CREB5: variants seen among roughly 807,000 people sequenced by gnomAD.
CREB5 encodes cyclic AMP-responsive element-binding protein 5.
A neutral mutation model predicts 57.1 loss-of-function variants in CREB5; 19 were observed. That is an observed-to-expected ratio of 0.33 (90% confidence interval 0.23 to 0.49). CREB5 has a LOEUF of 0.49. CREB5 is among the 20% of genes least tolerant of loss of function. The pLI is 0.99. For synonymous variants in CREB5, 238 were observed against 238.3 expected (o/e 1.00, Z 0.01); for missense variants, 579 against 671.6 (o/e 0.86, Z 1.52).
upstream of CREB5, among the ~76,000 whole-genome samples, chr7:28,408,204 T>C (rs1787630589): frequency 6.6e-6 from 1 of 152,186 alleles, no homozygotes; most frequent in South Asian, 2.1e-4. Flanking sequence ...TTAGCTCACC[T>C]GTAGAATGGG....
chr7:28,631,093 G>C (rs369722703), intron 5 of CREB5, among the ~76,000 whole-genome samples: 1 of 152,148 alleles, frequency 6.6e-6, no homozygotes, highest in Non-Finnish European at 1.5e-5. Flanking sequence ...ACTCAGAGAC[G>C]TACGGAAACT....
chr7:28,807,647 T>C (rs1171207899), intron 8 of CREB5, among the ~76,000 whole-genome samples: 2 of 152,206 alleles, frequency 1.3e-5, no homozygotes, highest in Non-Finnish European at 2.9e-5. Flanking sequence ...ATTTCAATCA[T>C]AGTGCTGCAA....
In CREB5 at chr7:28,809,293, G is replaced by A; in HGVS notation, c.1133G>A (p.Arg378Gln). The A allele has an allele frequency of 6.2e-7, 1 of 1,614,110 alleles. No homozygotes were observed. The highest frequency in any genetic ancestry group is 8.5e-7 in the Non-Finnish European group (1 of 1,180,022). ...GTAGACGAGGATCCGGACGAGAGGC[G>A]GCGGAAATTTCTGGAACGGAACCGG... Reference protein sequence around the residue: ...RVVDEDPDERRRKFLERNRAA... With the variant: ...RVVDEDPDERQRKFLERNRAA... Residue 378 changes from arginine (R) to glutamine (Q), a missense_variant, in exon 9 of 11, where the codon CGG becomes CAG. Physicochemically the swap from Arg to Gln is conservative, Grantham distance 43. Transcript: ENST00000357727.
chr7:28,660,381 G>GTTTTTTTTTTTTTTTTTTTTTT (rs10696255), intron 5 of CREB5, among the ~76,000 whole-genome samples: 1 of 119,260 alleles, frequency 8.4e-6, no homozygotes. Context: ...GCATTCAACA[G>GTTTTTTTTTTTTTTTTTTTTTT]TTTTTTTTTT....
At chr7:28,772,443 C>T (rs909599175) in intron 7 of CREB5, among the ~76,000 whole-genome samples, 23 of 152,144 alleles carry the variant, frequency 1.5e-4, no homozygotes, top group African/African-American at 4.6e-4. Flanking sequence ...CCGCTCGAGC[C>T]TCGCCACTGT....
chr7:28,460,044 C>T (rs1279612061), intron 1 of CREB5, among the ~76,000 whole-genome samples: 2 of 152,196 alleles, frequency 1.3e-5, no homozygotes, highest in Non-Finnish European at 2.9e-5. Context: ...TCACTACCTG[C>T]TGATTACAAC....
intron 5 of CREB5, among the ~76,000 whole-genome samples, chr7:28,643,409 G>C (rs1025877026): frequency 6.6e-6 from 1 of 152,144 alleles, no homozygotes; most frequent in African/African-American, 2.4e-5. Flanking sequence ...AAACTGGCTA[G>C]AAAAGAATGT....
At chr7:28,306,455 C>T (rs1025353731) in intron 1 of CREB5, among the ~76,000 whole-genome samples, 2 of 149,114 alleles carry the variant, frequency 1.3e-5, no homozygotes, top group African/African-American at 5.0e-5. Flanking sequence ...AGGGTAGACT[C>T]CCAAATCAAA....
chr7:28,359,220 CAAAT>C (rs1786410223), intron 1 of CREB5, among the ~76,000 whole-genome samples: 1 of 80,064 alleles, frequency 1.2e-5, no homozygotes, highest in African/African-American at 4.0e-5. Flanking sequence ...ACACACAAAA[CAAAT>C]AAAAAAAAAA....
intron 4 of CREB5, among the ~76,000 whole-genome samples, chr7:28,560,885 T>TGTGTGC (rs1365184678): frequency 4.9e-4 from 13 of 26,474 alleles, no homozygotes; most frequent in South Asian, 1.7e-3. Flanking sequence ...CGTGCGTGCG[T>TGTGTGC]GCGTGTGTGT....
intron 4 of CREB5, among the ~76,000 whole-genome samples, chr7:28,560,897 C>CGCGTGCGT (rs1554344445): frequency 8.9e-5 from 2 of 22,526 alleles, no homozygotes; most frequent in African/African-American, 1.6e-4. Flanking sequence ...CGTGTGTGTG[C>CGCGTGCGT]GTGCGCGCGT....
chr7:28,608,260 C>T (rs1166794045), intron 5 of CREB5, among the ~76,000 whole-genome samples: 5 of 152,022 alleles, frequency 3.3e-5, no homozygotes, highest in Non-Finnish European at 7.4e-5. Flanking sequence ...CCACAGGTTT[C>T]ATATTTTCCC....
Position 28,541,365 on chromosome 7 carries a change from C to A in CREB5, c.292-29000C>A, listed in dbSNP as rs986955081. ...CAGAACCCAGTCAGCAGACCCCACTCAGAGAAAAAACCTTTATCCTGGCCA... is the reference window on the plus strand; with the variant it reads ...CAGAACCCAGTCAGCAGACCCCACTAAGAGAAAAAACCTTTATCCTGGCCA... On this transcript the variant is annotated intron_variant, in intron 4 of 10. Coordinates refer to ENST00000357727, the MANE Select transcript of CREB5 (RefSeq NM_182898.4). Among the ~76,000 whole-genome samples, 3 of 152,056 alleles carry A rather than the reference C, an allele frequency of 2.0e-5. 1 individual carries two copies. Among genetic ancestry groups the A allele is most frequent in the Admixed American group, 1.3e-4 (2 of 15,258 alleles).
At chr7:28,808,602 G>A (rs185033671) in intron 8 of CREB5, among the ~76,000 whole-genome samples, 3 of 151,876 alleles carry the variant, frequency 2.0e-5, no homozygotes, top group Admixed American at 1.3e-4. Context: ...GCAGTGGCAC[G>A]ATCATAGCTC....
intron 1 of CREB5, among the ~76,000 whole-genome samples, chr7:28,323,712 G>A (rs576298582): frequency 3.2e-4 from 48 of 152,188 alleles, no homozygotes; most frequent in Non-Finnish European, 6.2e-4. Context: ...TTTGGGTGGA[G>A]AGTGAGGGAT....
rs1554344445 is a variant in CREB5, at chr7:28,560,897, C to CGCGTGCGTGT, written c.292-9467_292-9466insCGTGCGTGTG. ...GCGCGTGCGTGCGTGCGTGTGTGTG[C>CGCGTGCGTGT]GTGCGCGCGTGCGTGTGCGTGTGTG... On this transcript the variant is annotated intron_variant, in intron 4 of 10. Coordinates refer to ENST00000357727, the MANE Select transcript of CREB5 (RefSeq NM_182898.4). 1.1e-3 allele frequency among the ~76,000 whole-genome samples: 25 copies of CGCGTGCGTGT among 22,540 alleles called. 2 individuals carry two copies. The highest frequency in any genetic ancestry group is 3.6e-3 in the African/African-American group (23 of 6,372). 14.8% of individuals were successfully genotyped at this position (22,540 alleles called of 152,430 possible).
At chr7:28,743,619 A>G (rs1221303983) in intron 7 of CREB5, among the ~76,000 whole-genome samples, 3 of 152,188 alleles carry the variant, frequency 2.0e-5, no homozygotes, top group Non-Finnish European at 4.4e-5. Context: ...AACATACCGC[A>G]GACTGAGTAG....
intron 1 of CREB5, among the ~76,000 whole-genome samples, chr7:28,395,022 G>T (rs1400969663): frequency 6.6e-6 from 1 of 152,104 alleles, no homozygotes; most frequent in Non-Finnish European, 1.5e-5. Flanking sequence ...TTCCCTGAAG[G>T]GGGAAAAGGA....
chr7:28,544,511 T>G (rs1794339863), intron 4 of CREB5, among the ~76,000 whole-genome samples: 1 of 152,230 alleles, frequency 6.6e-6, no homozygotes, highest in Non-Finnish European at 1.5e-5. Flanking sequence ...TGAAGTGATA[T>G]GTGCTCCATA....
Sources: allele counts gnomAD v4.1 joint callset (sites outside exome capture counted in the v4.1 genomes callset), GRCh38; gene constraint gnomAD v4.1.1; transcripts MANE v1.5; gene names NCBI Gene and HGNC (gene_info 2026-07-23, HGNC 2026-07-21).